The following FARP1 variants were observed in gnomAD, a reference collection of about 807,000 sequenced individuals.
FARP1 encodes FERM, ARHGEF and pleckstrin domain-containing protein 1.
In FARP1, 52 loss-of-function variants were observed where a neutral mutation model predicts 128.8. That is an observed-to-expected ratio of 0.40 (90% confidence interval 0.32 to 0.51). The LOEUF is 0.51. FARP1 is among the 20% of genes least tolerant of loss of function. The pLI, the probability that FARP1 is intolerant of heterozygous loss-of-function variation, is 0.45. For missense variants in FARP1, 1,333 were observed against 1,367.9 expected (o/e 0.97, Z 0.40); for synonymous variants, 580 against 551.8 (o/e 1.05, Z -0.72).
chr13:98,168,871 G>A (rs188530193), intron 1 of FARP1, among the ~76,000 whole-genome samples: 1 of 152,200 alleles, frequency 6.6e-6, no homozygotes, highest in East Asian at 1.9e-4. Context: ...CTGTGGGCAG[G>A]GGGGATCAGC....
intron 11 of FARP1, among the ~76,000 whole-genome samples, chr13:98,392,411 G>A (rs1310603821): frequency 2.7e-5 from 4 of 149,518 alleles, no homozygotes; most frequent in Admixed American, 2.7e-4. Flanking sequence ...GAGGTAGGAC[G>A]ATTGCTTGAG....
intron 19 of FARP1, 105 bp downstream of exon 19, chr13:98,435,811 G>A (rs1178373530): frequency 3.3e-6 from 4 of 1,197,572 alleles, no homozygotes; most frequent in East Asian, 2.3e-5. Flanking sequence ...AAAGCAAAAT[G>A]TCCTCTTTCC....
chr13:98,439,708 C>T lies in FARP1; in HGVS notation c.2434-253C>T, dbSNP rs541807180. The stretch of plus-strand genomic sequence containing the variant: ...GATGTGGCCCTTTGGCTGGTGCCCA[C>T]GCTGTCCTCCGGGATTGGAGAGAGG... On this transcript the variant is annotated intron_variant, in intron 21 of 26. Transcript: ENST00000319562. Among the ~76,000 whole-genome samples the T allele has an allele frequency of 5.9e-5, 9 of 152,206 alleles. No individual in the cohort carries two copies. In the South Asian group the frequency reaches 1.5e-3, roughly 25 times the overall value.
chr13:98,393,744 A>C (rs1219966316), intron 12 of FARP1, 26 bp downstream of exon 12: 1 of 1,579,958 alleles, frequency 6.3e-7, no homozygotes, highest in South Asian at 1.1e-5. Context: ...GTCCTATGAT[A>C]ACTCTGCTTT....
chr13:98,153,357 A>G (rs1444403145), intron 1 of FARP1, among the ~76,000 whole-genome samples: 4 of 36,578 alleles, frequency 1.1e-4, no homozygotes, highest in Non-Finnish European at 5.0e-4. Flanking sequence ...ATATAAAAAT[A>G]TATAAAATAT....
chr13:98,254,429 A>G (rs1274474945), intron 2 of FARP1, among the ~76,000 whole-genome samples: 3 of 152,198 alleles, frequency 2.0e-5, no homozygotes, highest in Admixed American at 6.5e-5. Context: ...AAATGACTAG[A>G]TAACACATGT....
intron 2 of FARP1, among the ~76,000 whole-genome samples, chr13:98,321,469 A>G (rs72655160): frequency 0.03 from 4,629 of 152,346 alleles, 101 homozygotes; most frequent in Middle Eastern, 0.054. Context: ...AAAAATCACC[A>G]TCTGATTATC....
intron 2 of FARP1, among the ~76,000 whole-genome samples, chr13:98,292,113 G>T (rs557491773): frequency 5.5e-4 from 84 of 152,316 alleles, no homozygotes; most frequent in Non-Finnish European, 6.5e-4. Context: ...ACAAAGTATA[G>T]TGTGTGCCCT....
intron 5 of FARP1, among the ~76,000 whole-genome samples, chr13:98,371,218 GTTT>G (rs33975048): frequency 0.18 from 22,008 of 124,606 alleles, 2,125 homozygotes; most frequent in Middle Eastern, 0.27. Flanking sequence ...CCCGCCCCCC[GTTT>G]TTTTTTTTTT....
At chr13:98,255,938 C>A (rs1883566456) in intron 2 of FARP1, among the ~76,000 whole-genome samples, 1 of 152,194 alleles carries the variant, frequency 6.6e-6, no homozygotes, top group African/African-American at 2.4e-5. Context: ...TTCCCAGCCC[C>A]CAAATCCAGA....
chr13:98,144,042 T>C (rs534817842), intron 1 of FARP1, among the ~76,000 whole-genome samples: 1 of 152,234 alleles, frequency 6.6e-6, no homozygotes, highest in East Asian at 1.9e-4. Flanking sequence ...CTCTCTTTAC[T>C]GTCTGCCTTT....
At chr13:98,265,509 C>T (rs1016913653) in intron 2 of FARP1, among the ~76,000 whole-genome samples, 13 of 150,548 alleles carry the variant, frequency 8.6e-5, no homozygotes, top group African/African-American at 2.7e-4. Flanking sequence ...TTAGTAGAGA[C>T]GGGGTTTCAC....
intron 1 of FARP1, among the ~76,000 whole-genome samples, chr13:98,153,628 A>G (rs190026143): frequency 2.2e-5 from 3 of 138,300 alleles, no homozygotes; most frequent in Admixed American, 8.0e-5. Context: ...CAGTGGTGCA[A>G]CCTTGGCTTG....
chr13:98,212,787 G>A (rs528791016), intron 1 of FARP1, among the ~76,000 whole-genome samples: 5 of 152,198 alleles, frequency 3.3e-5, no homozygotes, highest in South Asian at 2.1e-4. Flanking sequence ...TCTGCAGTGC[G>A]CGTTTTACCT....
chr13:98,448,533 C>T lies in FARP1; in HGVS notation c.*216C>T, dbSNP rs1473618035. ...CTCCAGTCCTGGCATCCGCTGGGGGCGCTGTTCTTTAGCTAGTGCCAGTAT... is the reference window on the plus strand; with the variant it reads ...CTCCAGTCCTGGCATCCGCTGGGGGTGCTGTTCTTTAGCTAGTGCCAGTAT... On this transcript the variant is annotated 3_prime_UTR_variant, in exon 27 of 27. Transcript: ENST00000319562. 4 of 563,100 alleles carry T rather than the reference C, an allele frequency of 7.1e-6. No homozygotes were observed. Among genetic ancestry groups the T allele is most frequent in the Admixed American group, 6.4e-5 (2 of 31,304 alleles). The allele number at this position is 563,100 out of a possible 1,614,324, so 34.9% of individuals were successfully genotyped here.
At chr13:98,255,797 C>G (rs1328771586) in intron 2 of FARP1, among the ~76,000 whole-genome samples, 1 of 152,158 alleles carries the variant, frequency 6.6e-6, no homozygotes, top group Non-Finnish European at 1.5e-5. Flanking sequence ...TGTGCTTGAC[C>G]TTTGTGGATT....
intron 14 of FARP1, 35 bp from the exon 15 acceptor site, chr13:98,410,699 T>C (rs1446499564): frequency 1.1e-5 from 12 of 1,138,888 alleles, no homozygotes; most frequent in Non-Finnish European, 1.3e-5. Flanking sequence ...TCAAAAATGA[T>C]TATTGCGCTT....
At chr13:98,196,584 A>AAG (rs1879581822) in intron 1 of FARP1, among the ~76,000 whole-genome samples, 1 of 152,220 alleles carries the variant, frequency 6.6e-6, no homozygotes, top group South Asian at 2.1e-4. Context: ...AAATCCAGGA[A>AAG]AGAGGAAGTT....
chr13:98,205,324 A>G (rs1437446606), intron 1 of FARP1, among the ~76,000 whole-genome samples: 4 of 150,760 alleles, frequency 2.7e-5, no homozygotes, highest in Non-Finnish European at 5.9e-5. Context: ...CTATTCTTTG[A>G]TTTTTGTTTC....
Sources: allele counts gnomAD v4.1 joint callset (sites outside exome capture counted in the v4.1 genomes callset), GRCh38; gene constraint gnomAD v4.1.1; transcripts MANE v1.5; gene names NCBI Gene and HGNC (gene_info 2026-07-23, HGNC 2026-07-21).